CLPTM1: variants seen among roughly 807,000 people sequenced by gnomAD.
CLPTM1 encodes the protein putative lipid scramblase CLPTM1.
A neutral mutation model predicts 77.3 loss-of-function variants in CLPTM1; 21 were observed. The observed-to-expected ratio is 0.27, with a 90% confidence interval of 0.19 to 0.39. CLPTM1 has a LOEUF of 0.39. Ranked by LOEUF, CLPTM1 falls within the 10% of genes least tolerant of loss-of-function variation. The pLI is 1.00. For synonymous variants in CLPTM1, 373 were observed against 381.0 expected (o/e 0.98, Z 0.24); for missense variants, 642 against 921.2 (o/e 0.70, Z 3.92).
At position 44,983,783 on chromosome 19, in the gene CLPTM1, A is replaced by G. The variant is rs574070471; in HGVS notation, c.587-1435A>G. Among the ~76,000 whole-genome samples, 1,032 of 152,042 alleles carry G rather than the reference A, an allele frequency of 6.8e-3. 8 individuals are homozygous for G. Among genetic ancestry groups the G allele is most frequent in the Non-Finnish European group, 0.012 (828 of 67,966 alleles). ...TGAGACAATCCTGGCTAACACAGTGAAACCCTGTCTTTACTAAAAATACAA... is the reference window on the plus strand; with the variant it reads ...TGAGACAATCCTGGCTAACACAGTGGAACCCTGTCTTTACTAAAAATACAA... On this transcript the variant is annotated intron_variant, in intron 5 of 13. Transcript: ENST00000337392.
At chr19:44,984,851 T>G (rs1219838460) in intron 5 of CLPTM1, among the ~76,000 whole-genome samples, 1 of 152,032 alleles carries the variant, frequency 6.6e-6, no homozygotes, top group Non-Finnish European at 1.5e-5. Context: ...CACATCCGGC[T>G]GATTTTTGTA....
At chr19:44,970,310 C>T (rs1327492835) in intron 2 of CLPTM1, among the ~76,000 whole-genome samples, 1 of 146,762 alleles carries the variant, frequency 6.8e-6, no homozygotes, top group African/African-American at 2.7e-5. Flanking sequence ...CCTTCCTTCT[C>T]AGGGGTGGAG....
chr19:44,980,339 T>C (rs1340508113), intron 5 of CLPTM1, among the ~76,000 whole-genome samples: 1 of 151,894 alleles, frequency 6.6e-6, no homozygotes, highest in African/African-American at 2.4e-5. Flanking sequence ...TGAAACCCTG[T>C]CTCTACTAAA....
intron 5 of CLPTM1, among the ~76,000 whole-genome samples, chr19:44,979,635 A>G (rs533880697): frequency 6.6e-6 from 1 of 152,262 alleles, no homozygotes; most frequent in East Asian, 1.9e-4. Flanking sequence ...AGTTGACTCT[A>G]TGTGGGTCCC....
In CLPTM1 at chr19:44,991,249, G is replaced by A. The variant is rs751883437; in HGVS notation, c.1431G>A (p.Arg477=). The change falls in exon 12 of 14, where the codon CGG becomes CGA. Residue 477 remains arginine (R), a synonymous_variant. Coordinates refer to ENST00000337392, the MANE Select transcript of CLPTM1 (RefSeq NM_001294.4). The surrounding 1 kb of genome is among the most constrained non-coding windows in gnomAD (Gnocchi z 5.4). ...STKVYDDMAF[R]YLSWILFPLL... is the part of the protein sequence containing the mutation. ...CTGTGGCCCCACAGATGGCATTCCG[G>A]TACCTGTCCTGGATCCTCTTCCCGC... 7.4e-6 allele frequency: 12 copies of A among 1,614,012 alleles called. No individual in the cohort carries two copies. In the South Asian group the frequency reaches 7.7e-5, roughly 10 times the overall value.
At chr19:44,956,809 A>G (rs1970470778) in intron 1 of CLPTM1, among the ~76,000 whole-genome samples, 2 of 152,200 alleles carry the variant, frequency 1.3e-5, no homozygotes, top group Admixed American at 6.5e-5. Context: ...CTTAAAAACA[A>G]TCAAGAGTTA....
At chr19:44,963,492 A>G (rs1180738927) in intron 2 of CLPTM1, among the ~76,000 whole-genome samples, 1 of 148,894 alleles carries the variant, frequency 6.7e-6, no homozygotes, top group Non-Finnish European at 1.5e-5. Context: ...CACCTGGCTA[A>G]TTTTTTGTAT....
At position 44,972,782 on chromosome 19, in the gene CLPTM1, T is replaced by C. The variant is rs143207258; in HGVS notation, c.186-305T>C. 6.0e-3 allele frequency among the ~76,000 whole-genome samples: 919 copies of C among 152,202 alleles called. 10 individuals carry two copies. Among genetic ancestry groups the C allele is most frequent in the African/African-American group, 0.021 (860 of 41,534 alleles). On this transcript the variant is annotated intron_variant, in intron 2 of 13. Transcript: ENST00000337392. ...CCAGTCTGAGTCAAGAGTCAGCCCC[T>C]GCAGCCCTGTGGTCACCAGGAGCTC...
In CLPTM1 at chr19:44,973,093, C is replaced by A. The variant is rs755981416; in HGVS notation, c.192C>A (p.Phe64Leu). 6.2e-7 allele frequency: 1 copy of A among 1,613,794 alleles called. No individual in the cohort carries two copies. Among genetic ancestry groups the A allele is most frequent in the Non-Finnish European group, 8.5e-7 (1 of 1,179,776 alleles). ...TTGCTGCTTCTCTCCTCAGGATCTT[C>A]ATCATCTGGGCCATCAGCAGTTGGT... ...QVIKGVLFRI[F>L]IIWAISSWFR... The change falls in exon 3 of 14, where the codon TTC (phenylalanine) becomes TTA (leucine). Residue 64 changes from phenylalanine (F) to leucine (L), a missense_variant. Physicochemically the swap from Phe to Leu is conservative, Grantham distance 22 (BLOSUM62 0). Transcript: ENST00000337392.
chr19:44,966,877 C>T (rs769638368), intron 2 of CLPTM1, among the ~76,000 whole-genome samples: 25 of 151,936 alleles, frequency 1.6e-4, no homozygotes, highest in Admixed American at 3.3e-4. Context: ...AATCTCGCTC[C>T]GTCGCCCAGG....
intron 2 of CLPTM1, among the ~76,000 whole-genome samples, chr19:44,962,963 T>C (rs980960729): frequency 6.6e-6 from 1 of 151,356 alleles, no homozygotes; most frequent in Non-Finnish European, 1.5e-5. Flanking sequence ...AGGCGGAGCT[T>C]GCAGAGAGCT....
Position 44,992,996 on chromosome 19 carries a change from C to T in CLPTM1, c.*99C>T. On this transcript the variant is annotated 3_prime_UTR_variant, in exon 14 of 14. Transcript: ENST00000337392. This position sits in a 1 kb window ranked among gnomAD's most constrained non-coding sequence, Gnocchi z 7.7. ...CCTGTCGCCCTTTCCCTGGACAGAT[C>T]AGGCCGGGGCGGTGGGAGGCCCGCC... is the stretch of plus-strand genomic sequence containing the variant. 1 of 1,434,724 alleles carries T rather than the reference C, an allele frequency of 7.0e-7. No homozygotes were observed. The highest frequency in any genetic ancestry group is 9.5e-7 in the Non-Finnish European group (1 of 1,050,492). 88.9% of individuals were successfully genotyped at this position (1,434,724 alleles called of 1,614,324 possible). A position where few individuals can be genotyped will look rare whatever the true frequency, so the allele number is the denominator to read the frequency against.
intron 2 of CLPTM1, among the ~76,000 whole-genome samples, chr19:44,968,631 C>T (rs1369315540): frequency 0.037 from 3 of 82 alleles, no homozygotes; most frequent in Non-Finnish European, 0.079. Context: ...CGTGTGGATA[C>T]ACACAGGACG....
intron 5 of CLPTM1, among the ~76,000 whole-genome samples, chr19:44,983,640 A>AT (rs1251517136): frequency 1.3e-5 from 2 of 148,580 alleles, no homozygotes; most frequent in Admixed American, 6.7e-5. Context: ...AAAAAAAAAA[A>AT]AAAAAGAAAA....
Position 44,991,491 on chromosome 19 carries a change from G to A in CLPTM1, c.1555+118G>A. The A allele has an allele frequency of 7.7e-7, 1 of 1,295,838 alleles. No homozygotes were observed. The highest frequency in any genetic ancestry group is 1.3e-5 in the South Asian group (1 of 74,074). The allele number at this position is 1,295,838 out of a possible 1,614,324, so 80.3% of individuals were successfully genotyped here. A position where few individuals can be genotyped will look rare whatever the true frequency, so the allele number is the denominator to read the frequency against. On this transcript the variant is annotated intron_variant, in intron 12 of 13. Coordinates refer to ENST00000337392, the MANE Select transcript of CLPTM1 (RefSeq NM_001294.4). The surrounding 1 kb of genome is among the most constrained non-coding windows in gnomAD (Gnocchi z 5.4). The stretch of plus-strand genomic sequence containing the variant: ...GACAACCTAGGGTGGGCAGAGCTGG[G>A]ATATAGGGAGGCCCGAGGGCACACA...
At chr19:44,964,013 G>A (rs918257158) in intron 2 of CLPTM1, among the ~76,000 whole-genome samples, 25 of 150,982 alleles carry the variant, frequency 1.7e-4, no homozygotes, top group African/African-American at 5.8e-4. Flanking sequence ...TGATCCACCC[G>A]CCTCAGCCTC....
Position 44,962,068 on chromosome 19 carries a change from C to T in CLPTM1, c.178C>T (p.Leu60=), listed in dbSNP as rs1278581816. 12 of 1,597,856 alleles carry T rather than the reference C, an allele frequency of 7.5e-6. No homozygotes were observed. The highest frequency in any genetic ancestry group is 1.0e-5 in the Non-Finnish European group (12 of 1,172,734). The change falls in exon 2 of 14, where the codon CTG becomes TTG. Residue 60 remains leucine, a synonymous_variant. Transcript: ENST00000337392. The part of the protein sequence containing the change: ...PNAWQVIKGV[L]FRIFIIWAIS... ...TGCCTGGCAGGTCATCAAAGGTGTGCTGTTTAGGTGAGCAGACGGGACTTG... is the reference window on the plus strand; with the variant it reads ...TGCCTGGCAGGTCATCAAAGGTGTGTTGTTTAGGTGAGCAGACGGGACTTG...
chr19:44,954,680 A>G (rs1368931891), upstream of CLPTM1: 1 of 1,154,810 alleles, frequency 8.7e-7, no homozygotes, highest in Non-Finnish European at 1.1e-6. Context: ...AGAGCCCGTG[A>G]AGCCTAGCCC....
chr19:44,966,282 G>A lies in CLPTM1; in HGVS notation c.185+4207G>A, dbSNP rs533211580. 1.1e-4 allele frequency among the ~76,000 whole-genome samples: 17 copies of A among 152,154 alleles called. 1 individual carries two copies. The South Asian group carries it at 3.5e-3, about 32-fold the overall frequency. Reference sequence around the variant, plus strand: ...AAAAATTAGCCGGGCATGGTGGCAGGCGCCTATAGTCCCAGCTACTCGGGA... The same window carrying A: ...AAAAATTAGCCGGGCATGGTGGCAGACGCCTATAGTCCCAGCTACTCGGGA... On this transcript the variant is annotated intron_variant, in intron 2 of 13. Transcript: ENST00000337392.
Sources: allele counts gnomAD v4.1 joint callset (sites outside exome capture counted in the v4.1 genomes callset), GRCh38; gene constraint gnomAD v4.1.1; non-coding constraint Gnocchi (gnomAD v3.1); transcripts MANE v1.5; gene names NCBI Gene and HGNC (gene_info 2026-07-23, HGNC 2026-07-21).